Variants in PTPRA observed in about 807,000 individuals in gnomAD.
The protein encoded by PTPRA is protein tyrosine phosphatase receptor type A, also known as receptor-type tyrosine-protein phosphatase alpha.
Under a neutral mutation model 104.8 loss-of-function variants are expected in PTPRA, and 25 were observed. The ratio of observed to expected loss-of-function variants is 0.24; its 90% CI spans 0.17 to 0.33. The LOEUF (loss-of-function observed/expected upper bound fraction) is 0.33. Among genes scored for constraint, PTPRA ranks in the 10% least tolerant of loss-of-function variants. PTPRA has a pLI of 1.00. For missense variants in PTPRA, 765 were observed against 1,015.3 expected, an observed-to-expected ratio of 0.75 and a Z score of 3.35; for synonymous variants, 323 against 368.9, an observed-to-expected ratio of 0.88 and a Z score of 1.43.
rs1020248336 is a variant in PTPRA, at chr20:3,032,485, C to T, written c.1921-3100C>T. 1.4e-4 allele frequency among the ~76,000 whole-genome samples: 21 copies of T among 152,298 alleles called. 2 individuals are homozygous for T. The highest frequency in any genetic ancestry group is 7.2e-4 in the Admixed American group (11 of 15,296). On this transcript the variant is annotated intron_variant, in intron 20 of 23. Coordinates refer to ENST00000399903, the MANE Select transcript of PTPRA (RefSeq NM_001385305.1). Reference sequence around the variant, plus strand: ...AAAACTCCTTTAAAGAGTTGGCTTTCGGCCGGGCGCGGTGGCTCACGCCTG... The same window carrying T: ...AAAACTCCTTTAAAGAGTTGGCTTTTGGCCGGGCGCGGTGGCTCACGCCTG...
At chr20:2,871,652 C>T, upstream of PTPRA, among the ~76,000 whole-genome samples, 1 of 152,206 alleles carries the variant, frequency 6.6e-6, no homozygotes, top group Admixed American at 6.5e-5. Flanking sequence ...CCTGCGTTTG[C>T]AGTCATTACT....
intron 1 of PTPRA, among the ~76,000 whole-genome samples, chr20:2,895,691 G>T (rs1169616713): frequency 6.6e-6 from 1 of 151,762 alleles, no homozygotes; most frequent in African/African-American, 2.4e-5. Flanking sequence ...GAATTAGTCT[G>T]GCTAATTTTT....
chr20:3,020,033 A>G (rs1420336594), intron 13 of PTPRA, among the ~76,000 whole-genome samples: 2 of 151,118 alleles, frequency 1.3e-5, no homozygotes, highest in Non-Finnish European at 2.9e-5. Context: ...AGTACCGTCC[A>G]GCTTCGGCTC....
intron 1 of PTPRA, among the ~76,000 whole-genome samples, chr20:2,903,238 G>A (rs1032269094): frequency 5.9e-5 from 9 of 152,102 alleles, no homozygotes; most frequent in Non-Finnish European, 1.2e-4. Flanking sequence ...TCCAAACCAC[G>A]TCTGGTTCCA....
intron 2 of PTPRA, among the ~76,000 whole-genome samples, chr20:2,935,458 ATAG>A (rs2060657613): frequency 6.6e-6 from 1 of 152,246 alleles, no homozygotes; most frequent in Non-Finnish European, 1.5e-5. Flanking sequence ...TGCAATGAAC[ATAG>A]TAGTACAGAT....
chr20:2,894,860 G>T (rs569526695), intron 1 of PTPRA, among the ~76,000 whole-genome samples: 5 of 151,556 alleles, frequency 3.3e-5, no homozygotes, highest in African/African-American at 1.2e-4. Context: ...GGTGACGGGC[G>T]CCTGTAGTCC....
chr20:2,924,371 C>T (rs964559826), intron 2 of PTPRA, among the ~76,000 whole-genome samples: 38 of 152,168 alleles, frequency 2.5e-4, no homozygotes, highest in Admixed American at 6.6e-4. Flanking sequence ...CCCTGCACTC[C>T]ATCCAATCTG....
At chr20:2,887,809 C>T (rs931346961) in intron 1 of PTPRA, among the ~76,000 whole-genome samples, 6 of 152,202 alleles carry the variant, frequency 3.9e-5, no homozygotes, top group African/African-American at 1.2e-4. Context: ...AGGACTTTCA[C>T]TGTCTAAAAG....
At chr20:3,020,035 C>G (rs1402259525) in intron 13 of PTPRA, among the ~76,000 whole-genome samples, 8 of 152,206 alleles carry the variant, frequency 5.3e-5, no homozygotes, top group African/African-American at 1.9e-4. Context: ...TACCGTCCAG[C>G]TTCGGCTCGG....
At chr20:2,926,795 C>CTTTTTTTTTTTTTTTTTTTTTTG (rs1187569720) in intron 2 of PTPRA, among the ~76,000 whole-genome samples, 1 of 62,294 alleles carries the variant, frequency 1.6e-5, no homozygotes, top group Non-Finnish European at 3.2e-5. Context: ...TTTTTTTTTA[C>CTTTTTTTTTTTTTTTTTTTTTTG]TTTTTATTTT....
At chr20:2,894,753 G>A (rs965314085) in intron 1 of PTPRA, among the ~76,000 whole-genome samples, 1 of 152,094 alleles carries the variant, frequency 6.6e-6, no homozygotes, top group African/African-American at 2.4e-5. Context: ...TTGGGAGGCT[G>A]AGGCGGGTGG....
chr20:2,909,107 C>G lies in PTPRA; in HGVS notation c.-128-14100C>G, dbSNP rs149502952. 4.5e-4 allele frequency among the ~76,000 whole-genome samples: 69 copies of G among 152,218 alleles called. No homozygotes were observed. The East Asian group carries it at 6.2e-3, about 14-fold the overall frequency. On this transcript the variant is annotated intron_variant, in intron 1 of 23. Coordinates refer to ENST00000399903, the MANE Select transcript of PTPRA (RefSeq NM_001385305.1). ...AGTTCAACAAGGATCAGAATAATAA[C>G]ATGTAAGTACCATTTATTAAGTAGT...
rs376989598 is a variant in PTPRA at position 2,964,369 on chromosome 20, A to C, written c.73+19A>C. ...ACCACAGGTAAATTGTCATTTGATA[A>C]GGCTGCTATTTGAAATGAAATTTTG... is the stretch of plus-strand genomic sequence containing the variant. On this transcript the variant is annotated intron_variant, in intron 4 of 23. Coordinates refer to ENST00000399903, the MANE Select transcript of PTPRA (RefSeq NM_001385305.1). The C allele has an allele frequency of 2.6e-4, 410 of 1,555,556 alleles. No individual in the cohort carries two copies. The highest frequency in any genetic ancestry group is 3.2e-4 in the Non-Finnish European group (369 of 1,145,702).
chr20:2,987,670 A>G (rs1218196619), intron 7 of PTPRA, among the ~76,000 whole-genome samples: 1 of 152,096 alleles, frequency 6.6e-6, no homozygotes, highest in Non-Finnish European at 1.5e-5. Context: ...CCCAGGCTAC[A>G]CTGAGGAAAT....
At chr20:2,974,812 C>T (rs1384505189) in intron 5 of PTPRA, among the ~76,000 whole-genome samples, 1 of 152,166 alleles carries the variant, frequency 6.6e-6, no homozygotes, top group Non-Finnish European at 1.5e-5. Context: ...GTGGATATTT[C>T]ACTCGCCTTT....
intron 20 of PTPRA, among the ~76,000 whole-genome samples, chr20:3,033,925 C>T (rs2065664227): frequency 7.0e-6 from 1 of 143,390 alleles, no homozygotes; most frequent in African/African-American, 2.6e-5. Context: ...AAAAAATCCT[C>T]TTTGGTCTTC....
chr20:2,895,222 T>C (rs980195911), intron 1 of PTPRA, among the ~76,000 whole-genome samples: 1 of 151,596 alleles, frequency 6.6e-6, no homozygotes, highest in Non-Finnish European at 1.5e-5. Context: ...ACTACAGGCA[T>C]GCGTCACCAC....
intron 13 of PTPRA, among the ~76,000 whole-genome samples, chr20:3,019,327 G>C (rs1201357933): frequency 6.6e-6 from 1 of 151,352 alleles, no homozygotes; most frequent in East Asian, 2.0e-4. Flanking sequence ...CGGGGTGGCT[G>C]CTGGGCGGAG....
intron 5 of PTPRA, among the ~76,000 whole-genome samples, chr20:2,967,294 GTT>G (rs1279935828): frequency 1.3e-5 from 2 of 152,226 alleles, no homozygotes; most frequent in African/African-American, 4.8e-5. Context: ...CTGAGACTAT[GTT>G]TCTCTAGTGG....
Sources: gnomAD v4.1 joint callset for allele counts (sites outside exome capture counted in the v4.1 genomes callset) on GRCh38, gnomAD v4.1.1 for gene constraint, MANE v1.5 for transcripts, NCBI Gene and HGNC (gene_info 2026-07-23, HGNC 2026-07-21) for gene names.